The following SAMD12 variants were observed in gnomAD, a reference collection of about 807,000 sequenced individuals.
The protein encoded by SAMD12 is sterile alpha motif domain containing 12.
In SAMD12, 9 loss-of-function variants were observed where a neutral mutation model predicts 15.0. That is an observed-to-expected ratio of 0.60 (90% CI 0.36 to 1.05). The LOEUF (loss-of-function observed/expected upper bound fraction) is 1.05. Among genes scored for constraint, SAMD12 ranks in the 50% least tolerant of loss-of-function variants. The probability of loss-of-function intolerance (pLI) is 0.01; values close to 1 mark genes in which losing one functional copy is unlikely to be tolerated. For synonymous variants in SAMD12, 86 were observed against 90.1 expected, an observed-to-expected ratio of 0.96 and a Z score of 0.25; for missense variants, 230 against 234.2, an observed-to-expected ratio of 0.98 and a Z score of 0.12.
At chr8:118,209,400 C>A (rs1819956113) in intron 4 of SAMD12, among the ~76,000 whole-genome samples, 2 of 152,152 alleles carry the variant, frequency 1.3e-5, no homozygotes, top group African/African-American at 4.8e-5. Context: ...CTGGTGGGTA[C>A]TAATTTCCAT....
At position 118,254,097 on chromosome 8, in the gene SAMD12, T is replaced by C. The variant is rs545430629; in HGVS notation, c.434-56365A>G. On this transcript the variant is annotated intron_variant, in intron 4 of 4. Transcript: ENST00000409003. Reference sequence around the variant, plus strand: ...CATAGGCTCCTTCAAGCAAAGCAGATTTCATCCGTGTGAAAATTGGCCACA... The same window carrying C: ...CATAGGCTCCTTCAAGCAAAGCAGACTTCATCCGTGTGAAAATTGGCCACA... 1.4e-4 allele frequency among the ~76,000 whole-genome samples: 22 copies of C among 152,246 alleles called. No homozygotes were observed. In the South Asian group the frequency reaches 4.6e-3, roughly 32 times the overall value.
At chr8:118,458,387 C>G (rs1298975777) in intron 2 of SAMD12, among the ~76,000 whole-genome samples, 1 of 152,060 alleles carries the variant, frequency 6.6e-6, no homozygotes, top group Non-Finnish European at 1.5e-5. Flanking sequence ...GCCATTTGAC[C>G]TTCTGAACAG....
rs17484950 is a variant in SAMD12, at chr8:118,210,415, C to T, written c.434-12683G>A. On this transcript the variant is annotated intron_variant, in intron 4 of 4. Coordinates refer to the SAMD12 transcript ENST00000409003. ...AAGGAAGTGTAGTCTGCATCACAGC[C>T]AAGACCTGGAATCTGTTATTGTTAA... Among the ~76,000 whole-genome samples, 567 of 152,280 alleles carry T rather than the reference C, an allele frequency of 3.7e-3. 3 individuals carry two copies. The highest frequency in any genetic ancestry group is 0.013 in the African/African-American group (541 of 41,536).
At chr8:118,216,865 G>T (rs1202327314) in intron 4 of SAMD12, among the ~76,000 whole-genome samples, 1 of 152,206 alleles carries the variant, frequency 6.6e-6, no homozygotes, top group Non-Finnish European at 1.5e-5. Context: ...GTATGAATGT[G>T]GTGTGAGATT....
At chr8:118,523,441 A>G (rs923542488) in intron 2 of SAMD12, among the ~76,000 whole-genome samples, 1 of 152,152 alleles carries the variant, frequency 6.6e-6, no homozygotes, top group African/African-American at 2.4e-5. Context: ...CACTGCTATC[A>G]TGCCTATTTC....
intron 4 of SAMD12, among the ~76,000 whole-genome samples, chr8:118,207,984 T>G (rs547912653): frequency 6.6e-6 from 1 of 151,976 alleles, no homozygotes; most frequent in Non-Finnish European, 1.5e-5. Flanking sequence ...GAAACAAAGC[T>G]ATGCAAGATA....
At chr8:118,165,161 G>A in the SAMD12 span, among the ~76,000 whole-genome samples, 1 of 152,100 alleles carries the variant, frequency 6.6e-6, no homozygotes, top group Non-Finnish European at 1.5e-5. Flanking sequence ...CAAGTCTCAG[G>A]TTGTGGCTTG....
chr8:118,211,178 C>T (rs1386320402), intron 4 of SAMD12, among the ~76,000 whole-genome samples: 5 of 152,162 alleles, frequency 3.3e-5, no homozygotes, highest in African/African-American at 9.7e-5. Context: ...CATCTAGTTA[C>T]GGAAACTTCA....
At chr8:118,583,609 T>C (rs1408016090) in intron 1 of SAMD12, among the ~76,000 whole-genome samples, 2 of 152,132 alleles carry the variant, frequency 1.3e-5, no homozygotes, top group Non-Finnish European at 2.9e-5. Flanking sequence ...TTGACTCTTA[T>C]ACTTCCTTCA....
intron 3 of SAMD12, among the ~76,000 whole-genome samples, chr8:118,393,600 TTTC>T (rs964033552): frequency 2.6e-5 from 4 of 151,462 alleles, no homozygotes; most frequent in African/African-American, 7.3e-5. Context: ...ATTTTTTTCT[TTTC>T]TTTTTTTTTT....
the SAMD12 span, among the ~76,000 whole-genome samples, chr8:118,177,323 C>T: frequency 6.6e-6 from 1 of 151,594 alleles, no homozygotes; most frequent in Non-Finnish European, 1.5e-5. Flanking sequence ...TCACTGCAGC[C>T]TCTACCTCCT....
intron 4 of SAMD12, among the ~76,000 whole-genome samples, chr8:118,243,896 T>C (rs1218813876): frequency 6.6e-6 from 1 of 152,114 alleles, no homozygotes; most frequent in Non-Finnish European, 1.5e-5. Context: ...AAATGGCACA[T>C]TGGGACAATG....
At chr8:118,618,036 T>C (rs927855880) in intron 1 of SAMD12, among the ~76,000 whole-genome samples, 1 of 150,450 alleles carries the variant, frequency 6.6e-6, no homozygotes, top group African/African-American at 2.5e-5. Context: ...TTGTTTTTTT[T>C]TTTTTTAAAA....
chr8:118,313,497 AT>A (rs1359394310), intron 4 of SAMD12, among the ~76,000 whole-genome samples: 1 of 152,062 alleles, frequency 6.6e-6, no homozygotes, highest in Non-Finnish European at 1.5e-5. Context: ...CAGTGACTCT[AT>A]TGGCAACCCC....
chr8:118,159,999 C>T, the SAMD12 span, among the ~76,000 whole-genome samples: 4 of 152,236 alleles, frequency 2.6e-5, no homozygotes, highest in African/African-American at 7.2e-5. Flanking sequence ...GGATTACAGG[C>T]GTGAGCCACT....
intron 4 of SAMD12, among the ~76,000 whole-genome samples, chr8:118,297,608 A>C (rs1316495382): frequency 6.6e-6 from 1 of 152,218 alleles, no homozygotes; most frequent in Non-Finnish European, 1.5e-5. Context: ...CAATTAGAAG[A>C]GATTAAAAAA....
At chr8:118,287,099 C>G (rs1482562810) in intron 4 of SAMD12, among the ~76,000 whole-genome samples, 1 of 149,758 alleles carries the variant, frequency 6.7e-6, no homozygotes, top group African/African-American at 2.5e-5. Context: ...TACCTAGAAA[C>G]AAGAAACTGA....
chr8:118,207,023 C>T (rs767302845), intron 4 of SAMD12, among the ~76,000 whole-genome samples: 23 of 152,168 alleles, frequency 1.5e-4, no homozygotes, highest in Non-Finnish European at 2.8e-4. Flanking sequence ...TGAATGAAAT[C>T]AGCAGTTTTC....
At chr8:118,550,817 T>C (rs957400455) in intron 2 of SAMD12, among the ~76,000 whole-genome samples, 1 of 150,994 alleles carries the variant, frequency 6.6e-6, no homozygotes, top group Admixed American at 6.6e-5. Flanking sequence ...AGGCTTAAAA[T>C]AAAAGGATGG....
Sources: allele counts gnomAD v4.1 joint callset (sites outside exome capture counted in the v4.1 genomes callset), GRCh38; gene constraint gnomAD v4.1.1; transcripts MANE v1.5; gene names NCBI Gene and HGNC (gene_info 2026-07-23, HGNC 2026-07-21).